Variants in RIMBP2 observed in about 807,000 individuals in gnomAD.
RIMBP2 encodes the protein RIMS binding protein 2.
In RIMBP2, 48 loss-of-function variants were observed where a neutral mutation model predicts 118.6. That is an observed-to-expected ratio of 0.40 (90% confidence interval 0.32 to 0.51). The LOEUF is 0.51. Among genes scored for constraint, RIMBP2 ranks in the 20% least tolerant of loss-of-function variants. The probability of loss-of-function intolerance (pLI) is 0.41; values close to 1 mark genes in which losing one functional copy is unlikely to be tolerated. For missense variants in RIMBP2, 1,551 were observed against 1,768.3 expected, an observed-to-expected ratio of 0.88 and a Z score of 2.20; for synonymous variants, 762 against 742.9, an observed-to-expected ratio of 1.03 and a Z score of -0.42.
At chr12:130,685,709 T>G (rs183686066) in intron 1 of RIMBP2, among the ~76,000 whole-genome samples, 3 of 152,164 alleles carry the variant, frequency 2.0e-5, no homozygotes, top group Non-Finnish European at 4.4e-5. Context: ...CTTTATGTTC[T>G]AAAAGCAGAT....
In RIMBP2 at chr12:130,475,885, G is replaced by A. The variant is rs2138010995; in HGVS notation, c.102+3027C>T. Among the ~76,000 whole-genome samples the A allele has an allele frequency of 6.6e-6, 1 of 152,154 alleles. No individual in the cohort carries two copies. The highest frequency in any genetic ancestry group is 2.4e-5 in the African/African-American group (1 of 41,496). ...AGAGGGGAGTTCTGTGTGGGACGTG[G>A]CGTCCGAGGCCCCCCAAGCAGTGGT... is the stretch of plus-strand genomic sequence containing the variant. On this transcript the variant is annotated intron_variant, in intron 5 of 22. Transcript: ENST00000690449. This position sits in a 1 kb window ranked among gnomAD's most constrained non-coding sequence, Gnocchi z 4.1.
intron 1 of RIMBP2, among the ~76,000 whole-genome samples, chr12:130,681,678 C>T (rs977303225): frequency 6.6e-6 from 1 of 152,130 alleles, no homozygotes; most frequent in Non-Finnish European, 1.5e-5. Flanking sequence ...CACATGACAA[C>T]CTCACGCGAG....
chr12:130,471,140 G>A (rs1375841612), intron 5 of RIMBP2, among the ~76,000 whole-genome samples: 7 of 152,242 alleles, frequency 4.6e-5, no homozygotes, highest in Admixed American at 2.0e-4. Context: ...ACCAGGCCCT[G>A]GAGGAGGGGC....
Position 130,475,251 on chromosome 12 carries a change from G to A in RIMBP2, c.102+3661C>T, listed in dbSNP as rs536170499. On this transcript the variant is annotated intron_variant, in intron 5 of 22. Transcript: ENST00000690449. The surrounding 1 kb of genome is among the most constrained non-coding windows in gnomAD (Gnocchi z 4.1). The stretch of plus-strand genomic sequence containing the variant: ...TCACATGATCTTACGTGCTTCTCCC[G>A]ACCGCCATGCAGGGCAGGAGGACAG... Among the ~76,000 whole-genome samples, 2 of 152,252 alleles carry A rather than the reference G, an allele frequency of 1.3e-5. No individual in the cohort carries two copies. The highest frequency in any genetic ancestry group is 6.5e-5 in the Admixed American group (1 of 15,298).
intron 1 of RIMBP2, among the ~76,000 whole-genome samples, chr12:130,629,974 T>TAAAAAAAAA (rs33932481): frequency 9.6e-6 from 1 of 104,516 alleles, no homozygotes; most frequent in Non-Finnish European, 1.9e-5. Context: ...AATCAAGCTT[T>TAAAAAAAAA]AAAAAAAAAA....
chr12:130,482,219 C>T (rs930117557), intron 4 of RIMBP2, among the ~76,000 whole-genome samples: 2 of 152,208 alleles, frequency 1.3e-5, no homozygotes, highest in African/African-American at 2.4e-5. Context: ...CTCATGAGGC[C>T]CTCCGTGTGG....
At chr12:130,574,089 T>C (rs2057907803) in intron 2 of RIMBP2, among the ~76,000 whole-genome samples, 1 of 152,152 alleles carries the variant, frequency 6.6e-6, no homozygotes, top group Non-Finnish European at 1.5e-5. Flanking sequence ...TCAAGCTTAC[T>C]TTCCCCCCTT....
In RIMBP2 at chr12:130,450,423, C is replaced by T. The variant is rs2078902282; in HGVS notation, c.505-147G>A. 1.2e-5 allele frequency: 8 copies of T among 656,042 alleles called. No individual in the cohort carries two copies. The highest frequency in any genetic ancestry group is 3.4e-5 in the South Asian group (2 of 58,490). 40.6% of individuals were successfully genotyped at this position (656,042 alleles called of 1,614,324 possible). On this transcript the variant is annotated intron_variant, in intron 8 of 22. Transcript: ENST00000690449. The surrounding 1 kb of genome is among the most constrained non-coding windows in gnomAD (Gnocchi z 4.8). ...GGCACTCCCAGGAGGCACTGCCACCCGCACACCCACATGCGAGCTTGGAAA... is the reference window on the plus strand; with the variant it reads ...GGCACTCCCAGGAGGCACTGCCACCTGCACACCCACATGCGAGCTTGGAAA...
At chr12:130,412,371 G>A (rs1004253600) in intron 19 of RIMBP2, among the ~76,000 whole-genome samples, 1 of 152,106 alleles carries the variant, frequency 6.6e-6, no homozygotes, top group Non-Finnish European at 1.5e-5. Flanking sequence ...GTACTTCATC[G>A]CCCATTAGAT....
At chr12:130,402,140 C>T (rs1013607858) in intron 21 of RIMBP2, among the ~76,000 whole-genome samples, 3 of 152,200 alleles carry the variant, frequency 2.0e-5, no homozygotes, top group African/African-American at 7.2e-5. Flanking sequence ...ATGCCTCTAC[C>T]ACTGCGTGCT....
chr12:130,667,176 GAGGA>G (rs1475949949), intron 1 of RIMBP2: 8 of 118,844 alleles, frequency 6.7e-5, no homozygotes, highest in African/African-American at 1.9e-4. Context: ...GGGAGGGAGG[GAGGA>G]AGGGAGGAGG....
chr12:130,657,577 G>A lies in RIMBP2; in HGVS notation c.-351-29121C>T, dbSNP rs574399427. Among the ~76,000 whole-genome samples, 18 of 152,326 alleles carry A rather than the reference G, an allele frequency of 1.2e-4. No individual in the cohort carries two copies. In the South Asian group the frequency reaches 2.9e-3, roughly 25 times the overall value. ...TCGAAGCAATGCAGCGGCATCCACC[G>A]GCACCTCCGTCCAGGGCACAGGGGA... On this transcript the variant is annotated intron_variant, in intron 1 of 22. Transcript: ENST00000690449.
intron 1 of RIMBP2, among the ~76,000 whole-genome samples, chr12:130,656,715 T>C (rs2063445375): frequency 6.6e-6 from 1 of 152,118 alleles, no homozygotes; most frequent in South Asian, 2.1e-4. Context: ...TTTTATGTTA[T>C]TAACTTTCTA....
intron 1 of RIMBP2, among the ~76,000 whole-genome samples, chr12:130,654,504 C>A (rs1434606771): frequency 2.0e-5 from 3 of 152,202 alleles, no homozygotes; most frequent in East Asian, 3.8e-4. Flanking sequence ...TGGTCACAAC[C>A]ATTTAACCAC....
At chr12:130,628,048 C>G (rs2061755109) in intron 2 of RIMBP2, among the ~76,000 whole-genome samples, 1 of 152,218 alleles carries the variant, frequency 6.6e-6, no homozygotes, top group Non-Finnish European at 1.5e-5. Context: ...CCCTGTCCAT[C>G]TGTCCCCATC....
At chr12:130,554,687 A>G (rs1175351176) in intron 2 of RIMBP2, among the ~76,000 whole-genome samples, 1 of 152,224 alleles carries the variant, frequency 6.6e-6, no homozygotes, top group African/African-American at 2.4e-5. Context: ...GTTCAAAATA[A>G]CTATGCAGTG....
chr12:130,588,673 G>T lies in RIMBP2; in HGVS notation c.-217+39649C>A, dbSNP rs565585400. On this transcript the variant is annotated intron_variant, in intron 2 of 22. Coordinates refer to ENST00000690449, the MANE Select transcript of RIMBP2 (RefSeq NM_001393629.1). Reference sequence around the variant, plus strand: ...CGAGTCCAATGCCATATGGTTCAATGGTTCGGAAAGCATTTGAGGACATCT... The same window carrying T: ...CGAGTCCAATGCCATATGGTTCAATTGTTCGGAAAGCATTTGAGGACATCT... Among the ~76,000 whole-genome samples, 4 of 152,308 alleles carry T rather than the reference G, an allele frequency of 2.6e-5. No individual in the cohort carries two copies. The South Asian group carries it at 6.2e-4, about 24-fold the overall frequency.
At chr12:130,609,368 A>T (rs1482817023) in intron 2 of RIMBP2, among the ~76,000 whole-genome samples, 2 of 152,000 alleles carry the variant, frequency 1.3e-5, no homozygotes, top group Non-Finnish European at 2.9e-5. Context: ...AGCCATTTTA[A>T]AAAAAAATGA....
intron 2 of RIMBP2, among the ~76,000 whole-genome samples, chr12:130,601,655 T>C (rs1461074326): frequency 1.3e-5 from 2 of 152,222 alleles, no homozygotes; most frequent in Non-Finnish European, 2.9e-5. Flanking sequence ...AAAGTCACTC[T>C]GAATTCATCC....
Sources: gnomAD v4.1 joint callset for allele counts (sites outside exome capture counted in the v4.1 genomes callset) on GRCh38, gnomAD v4.1.1 for gene constraint, Gnocchi (gnomAD v3.1) non-coding constraint, MANE v1.5 for transcripts, NCBI Gene and HGNC (gene_info 2026-07-23, HGNC 2026-07-21) for gene names.